Variants in LYPLAL1 observed in about 807,000 individuals in gnomAD.
LYPLAL1 encodes lysophospholipase like 1, also known as lysophospholipase-like protein 1.
LYPLAL1 carries 23 observed loss-of-function variants against 19.7 expected under a neutral mutation model. The ratio of observed to expected loss-of-function variants is 1.17; its 90% confidence interval spans 0.84 to 1.65. LYPLAL1 has a LOEUF of 1.65. Among genes scored for constraint, LYPLAL1 ranks in the 40% most tolerant of loss-of-function variants. The pLI, the probability that LYPLAL1 is intolerant of heterozygous loss-of-function variation, is 0.00. For missense variants in LYPLAL1, 355 were observed against 279.4 expected (o/e 1.27, Z -1.93); for synonymous variants, 119 against 96.3 (o/e 1.24, Z -1.38).
the LYPLAL1 span, among the ~76,000 whole-genome samples, chr1:219,334,526 GGT>G: frequency 0.43 from 63,918 of 147,074 alleles, 14,328 homozygotes; most frequent in Non-Finnish European, 0.5. Context: ...AATGAAGAGG[GGT>G]GTGTGTGTGT....
At chr1:219,331,107 G>A in the LYPLAL1 span, among the ~76,000 whole-genome samples, 40 of 152,188 alleles carry the variant, frequency 2.6e-4, no homozygotes, top group South Asian at 1.0e-3. Flanking sequence ...CCAGTATACC[G>A]TAAAGCTGGG....
chr1:219,293,176 T>G, the LYPLAL1 span, among the ~76,000 whole-genome samples: 7 of 152,210 alleles, frequency 4.6e-5, 1 homozygote, highest in Admixed American at 3.3e-4. Flanking sequence ...TCTGAGCACT[T>G]CCTTAGCAGA....
At chr1:219,405,362 A>G in the LYPLAL1 span, among the ~76,000 whole-genome samples, 112,891 of 152,078 alleles carry the variant, frequency 0.74, 42,437 homozygotes, top group East Asian at 0.88. Flanking sequence ...ATATCTGCAG[A>G]CAAATGGTAA....
In LYPLAL1 at chr1:219,191,099, T is replaced by C. The variant is rs548831735; in HGVS notation, c.192-1983T>C. On this transcript the variant is annotated intron_variant, in intron 2 of 4. Transcript: ENST00000366928. ...ATACTCTTAAATGGTAACATTTTAATGTATGTCAGCACCTACTGCTATTAC... is the reference window on the plus strand; with the variant it reads ...ATACTCTTAAATGGTAACATTTTAACGTATGTCAGCACCTACTGCTATTAC... Among the ~76,000 whole-genome samples the C allele has an allele frequency of 6.6e-5, 10 of 151,802 alleles. No individual in the cohort carries two copies. In the South Asian group the frequency reaches 2.1e-3, roughly 31 times the overall value.
chr1:219,211,381 T>G, intron 4 of LYPLAL1, 111 bp from the exon 5 acceptor site: 1 of 750,944 alleles, frequency 1.3e-6, no homozygotes, highest in Non-Finnish European at 2.2e-6. Flanking sequence ...TTTTTTCCCA[T>G]TAGTTATTGA....
the LYPLAL1 span, among the ~76,000 whole-genome samples, chr1:219,349,581 A>G: frequency 1.3e-5 from 2 of 152,232 alleles, no homozygotes; most frequent in East Asian, 3.9e-4. Context: ...GTGCATGTGT[A>G]CCTATGCATG....
the LYPLAL1 span, chr1:219,271,887 C>A: frequency 6.6e-6 from 1 of 152,192 alleles, no homozygotes; most frequent in Non-Finnish European, 1.5e-5. Flanking sequence ...ATTATCCCAG[C>A]AACCTGGAAA....
At chr1:219,370,419 A>G in the LYPLAL1 span, among the ~76,000 whole-genome samples, 3 of 152,010 alleles carry the variant, frequency 2.0e-5, no homozygotes, top group Admixed American at 1.3e-4. Flanking sequence ...TTCTCTCCCT[A>G]TATCTCGATT....
the LYPLAL1 span, among the ~76,000 whole-genome samples, chr1:219,361,327 C>T: frequency 2.4e-3 from 371 of 152,278 alleles, 3 homozygotes; most frequent in African/African-American, 7.7e-3. Context: ...CTAGGTCCCT[C>T]ATAGTGTAGT....
chr1:219,358,499 G>A, the LYPLAL1 span, among the ~76,000 whole-genome samples: 1 of 152,162 alleles, frequency 6.6e-6, no homozygotes. Context: ...AAGAAAAGAG[G>A]TTTAATTGGC....
At chr1:219,372,174 C>T in the LYPLAL1 span, among the ~76,000 whole-genome samples, 4 of 152,190 alleles carry the variant, frequency 2.6e-5, no homozygotes, top group Non-Finnish European at 5.9e-5. Flanking sequence ...TTCCAAAGGA[C>T]TACCCTCCTG....
chr1:219,297,607 C>T, the LYPLAL1 span, among the ~76,000 whole-genome samples: 2 of 152,162 alleles, frequency 1.3e-5, no homozygotes, highest in African/African-American at 4.8e-5. Context: ...TCATACAAAT[C>T]ATCATTTGGC....
chr1:219,395,281 G>C, the LYPLAL1 span, among the ~76,000 whole-genome samples: 1 of 152,188 alleles, frequency 6.6e-6, no homozygotes, highest in South Asian at 2.1e-4. Context: ...ACCTTGTCAG[G>C]ACCTGTTATG....
the LYPLAL1 span, among the ~76,000 whole-genome samples, chr1:219,347,165 A>G: frequency 6.6e-6 from 1 of 152,042 alleles, no homozygotes; most frequent in South Asian, 2.1e-4. Flanking sequence ...TTGATTTTTT[A>G]CCTTATTACC....
the LYPLAL1 span, among the ~76,000 whole-genome samples, chr1:219,364,748 A>G: frequency 0.015 from 2,308 of 152,298 alleles, 53 homozygotes; most frequent in African/African-American, 0.053. Flanking sequence ...GGATTTATTA[A>G]TAAGTGAATT....
At chr1:219,176,296 A>G (rs1655805825) in intron 1 of LYPLAL1, among the ~76,000 whole-genome samples, 1 of 152,206 alleles carries the variant, frequency 6.6e-6, no homozygotes, top group Non-Finnish European at 1.5e-5. Flanking sequence ...TTCTTCTTTC[A>G]GTGGTAGTCA....
the LYPLAL1 span, among the ~76,000 whole-genome samples, chr1:219,422,525 G>T: frequency 6.6e-6 from 1 of 152,040 alleles, no homozygotes; most frequent in Non-Finnish European, 1.5e-5. Context: ...TATACTCTTT[G>T]TCCAGAAGAA....
the LYPLAL1 span, among the ~76,000 whole-genome samples, chr1:219,340,763 G>A: frequency 6.6e-6 from 1 of 152,034 alleles, no homozygotes; most frequent in Non-Finnish European, 1.5e-5. Flanking sequence ...ATGAGGCTGA[G>A]ATGAGAACAT....
chr1:219,441,742 G>A, the LYPLAL1 span, among the ~76,000 whole-genome samples: 4 of 152,126 alleles, frequency 2.6e-5, no homozygotes, highest in African/African-American at 9.7e-5. Context: ...CAGAGAAAGA[G>A]CCACTGCCAG....
Sources: gnomAD v4.1 joint callset for allele counts (sites outside exome capture counted in the v4.1 genomes callset) on GRCh38, gnomAD v4.1.1 for gene constraint, MANE v1.5 for transcripts, NCBI Gene and HGNC (gene_info 2026-07-23, HGNC 2026-07-21) for gene names.